Variants in TRIM36 observed in about 807,000 individuals in gnomAD.
TRIM36 encodes the protein E3 ubiquitin-protein ligase TRIM36.
A neutral mutation model predicts 72.4 loss-of-function variants in TRIM36; 42 were observed. The ratio of observed to expected loss-of-function variants is 0.58; its 90% CI spans 0.45 to 0.75. The LOEUF (loss-of-function observed/expected upper bound fraction) is 0.75, where lower values mean the gene tolerates loss of function less well. TRIM36 is among the 30% of genes least tolerant of loss of function. The pLI is 0.00. For synonymous variants in TRIM36, 315 were observed against 282.8 expected, an observed-to-expected ratio of 1.11 and a Z score of -1.14; for missense variants, 913 against 857.1, an observed-to-expected ratio of 1.07 and a Z score of -0.81.
chr5:115,141,330 G>A lies in TRIM36; in HGVS notation c.780C>T (p.Ser260=). 6.2e-7 allele frequency: 1 copy of A among 1,605,086 alleles called. No individual in the cohort carries two copies. The highest frequency in any genetic ancestry group is 8.5e-7 in the Non-Finnish European group (1 of 1,177,426). ...GTTCAGATATTTGACTCTTCACCTG[G>A]CTTTCCTTACCAATAAGGTAATCAA... The part of the protein sequence containing the change: ...KDIDYLIGKE[S]QVKSQISELN... The change falls in exon 5 of 10, where the codon AGC becomes AGT. Residue 260 remains serine, a synonymous_variant. Transcript: ENST00000513154.
chr5:115,151,859 G>T (rs1340533412), intron 2 of TRIM36, among the ~76,000 whole-genome samples: 1 of 152,116 alleles, frequency 6.6e-6, no homozygotes, highest in Non-Finnish European at 1.5e-5. Flanking sequence ...AACAACCCGT[G>T]GGACAAAAGG....
chr5:115,138,425 T>C (rs953032448), intron 5 of TRIM36, among the ~76,000 whole-genome samples: 6 of 152,148 alleles, frequency 3.9e-5, no homozygotes, highest in African/African-American at 1.4e-4. Flanking sequence ...CACAAAACTC[T>C]AAAATATGAC....
At chr5:115,164,214 G>A (rs1754638583) in intron 1 of TRIM36, among the ~76,000 whole-genome samples, 1 of 152,172 alleles carries the variant, frequency 6.6e-6, no homozygotes, top group Non-Finnish European at 1.5e-5. Context: ...GAGTCAGTAT[G>A]TTCATGGAAA....
At position 115,133,894 on chromosome 5, in the gene TRIM36, G is replaced by A; in HGVS notation, c.1464C>T (p.Ser488=). 1 of 1,608,662 alleles carries A rather than the reference G, an allele frequency of 6.2e-7. No homozygotes were observed. Among genetic ancestry groups the A allele is most frequent in the Non-Finnish European group, 8.5e-7 (1 of 1,177,766 alleles). ...GAGGAGTATGAAGAATCAATTCTCTGCTGCAAGGACTACAGATTGAACCCT... is the reference window on the plus strand; with the variant it reads ...GAGGAGTATGAAGAATCAATTCTCTACTGCAAGGACTACAGATTGAACCCT... The part of the protein sequence containing the change: ...AYKGSICSPC[S]RELILHTPPA... Residue 488 remains serine, a synonymous_variant, in exon 8 of 10, where the codon AGC becomes AGT. Transcript: ENST00000513154.
Position 115,126,377 on chromosome 5 carries a change from G to T in TRIM36, c.*126C>A. The T allele has an allele frequency of 1.4e-6, 1 of 717,752 alleles. No individual in the cohort carries two copies. The highest frequency in any genetic ancestry group is 2.2e-6 in the Non-Finnish European group (1 of 451,762). 44.5% of individuals were successfully genotyped at this position (717,752 alleles called of 1,614,324 possible). On this transcript the variant is annotated 3_prime_UTR_variant, in exon 10 of 10. Transcript: ENST00000513154. ...GCTGTTTAGATTTTCTGTATTTCAA[G>T]AAGAATCATACTCAAACACAAGTGG... is the stretch of plus-strand genomic sequence containing the variant.
At chr5:115,143,931 C>A (rs143239135) in intron 4 of TRIM36, among the ~76,000 whole-genome samples, 1 of 151,908 alleles carries the variant, frequency 6.6e-6, no homozygotes, top group South Asian at 2.1e-4. Context: ...AGTGCAGTGG[C>A]GCGATCTCAG....
At chr5:115,146,900 T>C (rs1037972291) in intron 3 of TRIM36, among the ~76,000 whole-genome samples, 169 bp downstream of exon 3, 12 of 152,242 alleles carry the variant, frequency 7.9e-5, no homozygotes, top group South Asian at 2.1e-4. Flanking sequence ...TTTAGCCCCA[T>C]AGTAAGTAAC....
Position 115,159,226 on chromosome 5 carries a change from A to C in TRIM36, c.262+4292T>G, listed in dbSNP as rs185496391. On this transcript the variant is annotated intron_variant, in intron 2 of 9. Coordinates refer to ENST00000513154, the MANE Select transcript of TRIM36 (RefSeq NM_001300759.2). ...TATAAAACGAGCAAAGATATCATTA[A>C]ATAGAAAAATAATCAATACCTTTAA... Among the ~76,000 whole-genome samples the C allele has an allele frequency of 8.1e-4, 124 of 152,352 alleles. 1 individual carries two copies. The highest frequency in any genetic ancestry group is 7.6e-3 in the Admixed American group (117 of 15,310).
chr5:115,180,138 C>G, exon 1 of TRIM36: 1 of 1,184,896 alleles, frequency 8.4e-7, no homozygotes, highest in Non-Finnish European at 1.2e-6. Context: ...TGCCGAGCTC[C>G]CCGCCCATAA....
chr5:115,175,554 T>C (rs370558185), intron 1 of TRIM36, among the ~76,000 whole-genome samples: 50 of 152,298 alleles, frequency 3.3e-4, no homozygotes, highest in African/African-American at 1.2e-3. Flanking sequence ...AGCATCCTTA[T>C]TGCACTGCCC....
chr5:115,176,609 A>G (rs1158567858), intron 1 of TRIM36, among the ~76,000 whole-genome samples: 2 of 152,238 alleles, frequency 1.3e-5, no homozygotes, highest in Admixed American at 6.5e-5. Flanking sequence ...CTAAATACAC[A>G]AAATACAAAG....
intron 2 of TRIM36, chr5:115,149,535 C>T (rs1199161724): frequency 1.7e-5 from 2 of 114,816 alleles, no homozygotes; most frequent in African/African-American, 6.9e-5. Flanking sequence ...AACATGTATG[C>T]TGGTGACACC....
At chr5:115,144,540 T>TA in intron 4 of TRIM36, 58 bp downstream of exon 4, 3 of 1,600,126 alleles carry the variant, frequency 1.9e-6, no homozygotes, top group Non-Finnish European at 1.7e-6. Flanking sequence ...AATGAAAAGT[T>TA]AAAGGCATAA....
At chr5:115,149,953 G>A (rs1395940828) in intron 2 of TRIM36, among the ~76,000 whole-genome samples, 1 of 152,104 alleles carries the variant, frequency 6.6e-6, no homozygotes, top group East Asian at 1.9e-4. Context: ...TAGAGATGGG[G>A]TTTCACCATG....
intron 9 of TRIM36, among the ~76,000 whole-genome samples, chr5:115,128,633 T>C (rs1490091389): frequency 6.8e-6 from 1 of 147,988 alleles, no homozygotes; most frequent in Non-Finnish European, 1.5e-5. Context: ...GCGCCTGTAG[T>C]CCCAGCTACT....
At position 115,130,680 on chromosome 5, in the gene TRIM36, G is replaced by T. The variant is rs753990679; in HGVS notation, c.1708C>A (p.Pro570Thr). 1 of 1,614,150 alleles carries T rather than the reference G, an allele frequency of 6.2e-7. No homozygotes were observed. The highest frequency in any genetic ancestry group is 1.7e-5 in the Admixed American group (1 of 60,020). Residue 570 changes from proline (P) to threonine (T), a missense_variant, in exon 9 of 10, where the codon CCA (proline) becomes ACA (threonine). Physicochemically the swap from Pro to Thr is conservative, Grantham distance 38. Transcript: ENST00000513154. ...GKHFWAFRVE[P>T]YSYLVKVGVA... ...CCCACTTTTACCAGGTATGAATATG[G>T]TTCCACACGGAAGGCCCAGAAGTGT...
At chr5:115,149,830 C>T (rs13358747) in intron 2 of TRIM36, among the ~76,000 whole-genome samples, 1 of 151,924 alleles carries the variant, frequency 6.6e-6, no homozygotes, top group Non-Finnish European at 1.5e-5. Context: ...GCGATCTCGG[C>T]TCACTGCAAG....
intron 1 of TRIM36, among the ~76,000 whole-genome samples, chr5:115,179,480 G>A (rs1471509047): frequency 6.6e-6 from 1 of 152,254 alleles, no homozygotes; most frequent in Non-Finnish European, 1.5e-5. Flanking sequence ...CGAACGTGCT[G>A]TCCCTATTTA....
intron 9 of TRIM36, among the ~76,000 whole-genome samples, chr5:115,128,393 G>C (rs1397610867): frequency 5.3e-5 from 8 of 150,748 alleles, no homozygotes; most frequent in African/African-American, 1.7e-4. Context: ...AATGTATATA[G>C]ATGTACAATG....
Sources: gnomAD v4.1 joint callset for allele counts (sites outside exome capture counted in the v4.1 genomes callset) on GRCh38, gnomAD v4.1.1 for gene constraint, MANE v1.5 for transcripts, NCBI Gene and HGNC (gene_info 2026-07-23, HGNC 2026-07-21) for gene names.